FANCL: variants seen among roughly 807,000 people sequenced by gnomAD.
The protein encoded by FANCL is FA complementation group L, also known as E3 ubiquitin-protein ligase FANCL.
FANCL carries 69 observed loss-of-function variants against 59.4 expected under a neutral mutation model. The ratio of observed to expected loss-of-function variants is 1.16; its 90% CI spans 0.96 to 1.42. The LOEUF is 1.42. Ranked by LOEUF, FANCL falls within the 40% of genes most tolerant of loss-of-function variation. The probability of loss-of-function intolerance (pLI) is 0.00; values close to 1 mark genes in which losing one functional copy is unlikely to be tolerated. For missense variants in FANCL, 519 were observed against 447.2 expected (o/e 1.16, Z -1.45); for synonymous variants, 180 against 147.1 (o/e 1.22, Z -1.62).
intron 7 of FANCL, among the ~76,000 whole-genome samples, chr2:58,174,963 T>A (rs1402127691): frequency 6.6e-6 from 1 of 151,986 alleles, no homozygotes; most frequent in Non-Finnish European, 1.5e-5. Context: ...TCACCACCGA[T>A]CCCACAGAAA....
chr2:58,194,192 A>T (rs946317602), intron 7 of FANCL: 5 of 470,858 alleles, frequency 1.1e-5, no homozygotes, highest in African/African-American at 8.0e-5. Context: ...CCATGGCAAG[A>T]ATACTTCACC....
intron 12 of FANCL, 134 bp downstream of exon 12, chr2:58,161,388 T>G (rs1293477952): frequency 1.4e-6 from 1 of 712,032 alleles, no homozygotes; most frequent in Non-Finnish European, 2.6e-6. Flanking sequence ...TGGAATAAAC[T>G]GGTAAAAGGA....
chr2:58,224,844 T>A (rs995745385), intron 4 of FANCL, among the ~76,000 whole-genome samples: 7 of 151,908 alleles, frequency 4.6e-5, no homozygotes, highest in East Asian at 1.9e-4. Flanking sequence ...TAATGCCAAT[T>A]TGAATTGTAA....
intron 7 of FANCL, among the ~76,000 whole-genome samples, chr2:58,166,100 T>C (rs921627725): frequency 1.3e-5 from 2 of 152,144 alleles, no homozygotes; most frequent in African/African-American, 4.8e-5. Context: ...AAGAATGGTT[T>C]TTTAAAAATC....
At chr2:58,189,450 C>A (rs552541826) in intron 7 of FANCL, among the ~76,000 whole-genome samples, 4 of 152,070 alleles carry the variant, frequency 2.6e-5, no homozygotes, top group Admixed American at 2.6e-4. Context: ...AGTTCATACA[C>A]CCAACACTTA....
chr2:58,202,896 T>C (rs1489997939), intron 6 of FANCL, among the ~76,000 whole-genome samples: 3 of 151,816 alleles, frequency 2.0e-5, no homozygotes, highest in Admixed American at 6.6e-5. Flanking sequence ...TCTTTAGTTT[T>C]GGTCTTCATA....
At chr2:58,171,618 G>T (rs1032821582) in intron 7 of FANCL, among the ~76,000 whole-genome samples, 1 of 152,116 alleles carries the variant, frequency 6.6e-6, no homozygotes, top group Non-Finnish European at 1.5e-5. Context: ...CAAAATAGGG[G>T]ATTGGAGCCA....
chr2:58,224,395 T>A (rs1004168930), intron 4 of FANCL, among the ~76,000 whole-genome samples: 3 of 151,846 alleles, frequency 2.0e-5, no homozygotes, highest in African/African-American at 7.2e-5. Context: ...TTAAGGCCTT[T>A]GATGTAATTT....
chr2:58,205,449 A>G (rs1690490176), intron 5 of FANCL, among the ~76,000 whole-genome samples: 1 of 152,080 alleles, frequency 6.6e-6, no homozygotes, highest in Non-Finnish European at 1.5e-5. Flanking sequence ...TCACCTCCAA[A>G]AAAAATTAGA....
intron 4 of FANCL, among the ~76,000 whole-genome samples, chr2:58,226,096 T>C (rs557951612): frequency 3.5e-4 from 53 of 152,090 alleles, no homozygotes; most frequent in Non-Finnish European, 7.4e-4. Flanking sequence ...TAAAATACTA[T>C]GGTGTCTTTC....
chr2:58,174,533 T>C (rs1005134837), intron 7 of FANCL, among the ~76,000 whole-genome samples: 9 of 152,164 alleles, frequency 5.9e-5, no homozygotes, highest in African/African-American at 2.2e-4. Context: ...TGCTCCAGAA[T>C]GACTACTGGG....
intron 6 of FANCL, 115 bp from the exon 7 acceptor site, chr2:58,198,777 C>G: frequency 1.3e-6 from 1 of 760,538 alleles, no homozygotes; most frequent in South Asian, 1.5e-5. Context: ...CGCCTGTAAT[C>G]CCAGCACTTT....
intron 7 of FANCL, among the ~76,000 whole-genome samples, chr2:58,168,491 C>T (rs1686194516): frequency 1.3e-5 from 2 of 152,130 alleles, no homozygotes; most frequent in Admixed American, 1.3e-4. Context: ...TTCACCAGGG[C>T]CCTGGGTTTC....
At chr2:58,218,346 C>A (rs964819606) in intron 5 of FANCL, among the ~76,000 whole-genome samples, 1 of 151,602 alleles carries the variant, frequency 6.6e-6, no homozygotes, top group Non-Finnish European at 1.5e-5. Context: ...AAATTAACAA[C>A]GCTAAAAGTT....
rs778001179 is a variant in FANCL at position 58,204,270 on chromosome 2, C to A, written c.375-44G>T. 7.3e-6 allele frequency: 10 copies of A among 1,369,008 alleles called. No homozygotes were observed. In the Middle Eastern group the frequency reaches 7.2e-4, roughly 98 times the overall value. 84.8% of individuals were successfully genotyped at this position (1,369,008 alleles called of 1,614,324 possible). On this transcript the variant is annotated intron_variant, in intron 5 of 13. Transcript: ENST00000233741. ...TAAAAAATGATCACACCGGGGAGAG[C>A]TGGAGAGGGGAACTGGAGATGGTTG...
At chr2:58,240,175 T>C (rs2104050535) in intron 1 of FANCL, among the ~76,000 whole-genome samples, 1 of 151,184 alleles carries the variant, frequency 6.6e-6, no homozygotes, top group Non-Finnish European at 1.5e-5. Context: ...TACAAGAGAA[T>C]CATATTTTCA....
chr2:58,212,766 A>T (rs1558800733), intron 5 of FANCL, among the ~76,000 whole-genome samples: 1 of 152,128 alleles, frequency 6.6e-6, no homozygotes, highest in Non-Finnish European at 1.5e-5. Flanking sequence ...AAAATAACCC[A>T]GACCTGTCAT....
At chr2:58,235,102 T>G (rs944597331) in intron 1 of FANCL, among the ~76,000 whole-genome samples, 1 of 151,812 alleles carries the variant, frequency 6.6e-6, no homozygotes, top group African/African-American at 2.4e-5. Context: ...AAGAAACATG[T>G]GATCAAGGGG....
At chr2:58,185,142 A>G (rs527695254) in intron 7 of FANCL, among the ~76,000 whole-genome samples, 2 of 152,252 alleles carry the variant, frequency 1.3e-5, no homozygotes, top group African/African-American at 4.8e-5. Context: ...TAATCTTCCT[A>G]TGGTGAAAAA....
Sources: allele counts gnomAD v4.1 joint callset (sites outside exome capture counted in the v4.1 genomes callset), GRCh38; gene constraint gnomAD v4.1.1; transcripts MANE v1.5; gene names NCBI Gene and HGNC (gene_info 2026-07-23, HGNC 2026-07-21).